FAT3: variants seen among roughly 807,000 people sequenced by gnomAD.
FAT3 encodes the protein FAT atypical cadherin 3, also known as protocadherin Fat 3.
A neutral mutation model predicts 310.2 loss-of-function variants in FAT3; 95 were observed. That is an observed-to-expected ratio of 0.31 (90% CI 0.26 to 0.36). The LOEUF (loss-of-function observed/expected upper bound fraction) is 0.36. Among genes scored for constraint, FAT3 ranks in the 10% least tolerant of loss-of-function variants. FAT3 has a pLI of 1.00. For missense variants in FAT3, 5,408 were observed against 5,715.6 expected (o/e 0.95, Z 1.74); for synonymous variants, 2,314 against 2,192.9 (o/e 1.06, Z -1.54).
At position 92,806,365 on chromosome 11, in the gene FAT3, G is replaced by T; in HGVS notation, c.9097G>T (p.Ala3033Ser). 1 of 1,598,212 alleles carries T rather than the reference G, an allele frequency of 6.3e-7. No individual in the cohort carries two copies. Among genetic ancestry groups the T allele is most frequent in the Non-Finnish European group, 8.5e-7 (1 of 1,171,586 alleles). ...ACCTTTCTTCACCTTTGTCCAGGTT[G>T]CATATACAGCATTACTTCCTGAAGA... is the stretch of plus-strand genomic sequence containing the variant. Reference protein sequence around the residue: ...NDNSPVCDQVAYTALLPEDIP... With the variant: ...NDNSPVCDQVSYTALLPEDIP... Residue 3033 changes from alanine (A) to serine (S), a missense_variant, in exon 12 of 28, where the codon GCA (alanine) becomes TCA (serine). Ala to Ser is a moderately conservative substitution (Grantham distance 99, BLOSUM62 1). Transcript: ENST00000525166.
intron 2 of FAT3, among the ~76,000 whole-genome samples, chr11:92,492,578 T>G (rs559698275): frequency 1.6e-4 from 24 of 152,134 alleles, no homozygotes; most frequent in African/African-American, 5.3e-4. Context: ...CCAGAGCACT[T>G]TAATCTATGG....
chr11:92,563,082 A>C (rs778931556), intron 3 of FAT3, among the ~76,000 whole-genome samples: 1 of 152,220 alleles, frequency 6.6e-6, no homozygotes, highest in Non-Finnish European at 1.5e-5. Flanking sequence ...CAAATTTAGA[A>C]AGAGCTGGAG....
chr11:92,228,916 G>GA (rs1252918477), intron 1 of FAT3, among the ~76,000 whole-genome samples: 2 of 152,144 alleles, frequency 1.3e-5, no homozygotes, highest in East Asian at 3.9e-4. Context: ...CTTGAGTAGG[G>GA]AATCATCTGA....
chr11:92,287,164 A>G (rs983183867), intron 1 of FAT3, among the ~76,000 whole-genome samples: 5 of 152,182 alleles, frequency 3.3e-5, no homozygotes, highest in Non-Finnish European at 5.9e-5. Flanking sequence ...TTTAATGAGA[A>G]GAACTGAAGA....
intron 2 of FAT3, among the ~76,000 whole-genome samples, chr11:92,358,105 A>T (rs1948782538): frequency 6.6e-6 from 1 of 152,022 alleles, no homozygotes; most frequent in East Asian, 1.9e-4. Flanking sequence ...TGAACCCAGG[A>T]GGTCAAGTCT....
intron 2 of FAT3, among the ~76,000 whole-genome samples, chr11:92,515,714 G>T (rs913618614): frequency 6.6e-6 from 1 of 152,036 alleles, no homozygotes; most frequent in Non-Finnish European, 1.5e-5. Flanking sequence ...AGTGCTTACA[G>T]TAATAAATAT....
At chr11:92,879,468 T>C (rs1949622043) in intron 22 of FAT3, among the ~76,000 whole-genome samples, 2 of 152,306 alleles carry the variant, frequency 1.3e-5, no homozygotes, top group Admixed American at 1.3e-4. Context: ...GTGAAGAGTT[T>C]CTAGTTAAAT....
At chr11:92,298,688 A>G (rs901191607) in intron 1 of FAT3, among the ~76,000 whole-genome samples, 3 of 152,086 alleles carry the variant, frequency 2.0e-5, no homozygotes, top group African/African-American at 7.2e-5. Context: ...ATGGTCGTTA[A>G]TCAACTTCCA....
chr11:92,696,701 A>G (rs983071531), intron 3 of FAT3, among the ~76,000 whole-genome samples: 9 of 152,196 alleles, frequency 5.9e-5, no homozygotes, highest in Non-Finnish European at 2.9e-5. Flanking sequence ...GAGGCCTTGA[A>G]GGTTTTGTCT....
intron 7 of FAT3, among the ~76,000 whole-genome samples, chr11:92,781,075 CTTTT>C (rs10649331): frequency 8.2e-6 from 1 of 121,978 alleles, no homozygotes; most frequent in Non-Finnish European, 1.7e-5. Flanking sequence ...TTTCTTTATT[CTTTT>C]TTTTTTTTTT....
intron 2 of FAT3, among the ~76,000 whole-genome samples, chr11:92,467,932 G>C (rs1328695101): frequency 6.6e-6 from 1 of 152,172 alleles, no homozygotes; most frequent in South Asian, 2.1e-4. Flanking sequence ...TTGGAATTCA[G>C]AATTTTAGAA....
rs139782643 is a variant in FAT3 at position 92,303,128 on chromosome 11, G to C, written c.-17-48968G>C. On this transcript the variant is annotated intron_variant, in intron 1 of 27. Transcript: ENST00000525166. Reference sequence around the variant, plus strand: ...TTGGTTGATACAATTAATGAGGAGGGTTGAAAGCCTCTGTACAATTTTACA... The same window carrying C: ...TTGGTTGATACAATTAATGAGGAGGCTTGAAAGCCTCTGTACAATTTTACA... Among the ~76,000 whole-genome samples, 31 of 152,194 alleles carry C rather than the reference G, an allele frequency of 2.0e-4. No homozygotes were observed. In the East Asian group the frequency reaches 5.8e-3, roughly 28 times the overall value.
At chr11:92,845,705 C>A (rs903122856) in intron 19 of FAT3, among the ~76,000 whole-genome samples, 1 of 152,124 alleles carries the variant, frequency 6.6e-6, no homozygotes, top group South Asian at 2.1e-4. Flanking sequence ...GTTTTTCTAG[C>A]CAGTGTGAAT....
intron 13 of FAT3, among the ~76,000 whole-genome samples, chr11:92,814,133 A>G (rs1210172783): frequency 2.6e-5 from 4 of 152,216 alleles, no homozygotes; most frequent in East Asian, 1.9e-4. Flanking sequence ...AGCCTCCAGA[A>G]CTATGAGCAA....
chr11:92,544,989 A>G (rs1954570438), intron 3 of FAT3, among the ~76,000 whole-genome samples: 1 of 152,130 alleles, frequency 6.6e-6, no homozygotes, highest in Non-Finnish European at 1.5e-5. Context: ...GTGTCTGTCA[A>G]AGCCTCTAAG....
intron 2 of FAT3, among the ~76,000 whole-genome samples, chr11:92,373,628 C>T (rs952325073): frequency 6.6e-5 from 10 of 151,728 alleles, no homozygotes; most frequent in East Asian, 1.9e-4. Context: ...TTATAATGAA[C>T]GCGTGATGAA....
intron 3 of FAT3, among the ~76,000 whole-genome samples, chr11:92,574,018 A>T (rs1938331433): frequency 2.6e-5 from 2 of 75,970 alleles, no homozygotes; most frequent in Non-Finnish European, 8.1e-5. Context: ...AGGCAAATTG[A>T]ATAAAAGAGC....
At chr11:92,606,017 T>C (rs1444047115) in intron 3 of FAT3, among the ~76,000 whole-genome samples, 2 of 152,132 alleles carry the variant, frequency 1.3e-5, no homozygotes, top group African/African-American at 2.4e-5. Context: ...CTCTCCTCAT[T>C]TGCAAGCTGG....
At chr11:92,379,610 G>A (rs1288320738) in intron 2 of FAT3, among the ~76,000 whole-genome samples, 1 of 152,136 alleles carries the variant, frequency 6.6e-6, no homozygotes, top group African/African-American at 2.4e-5. Flanking sequence ...TCTGACAGCT[G>A]GAGGCTCTTA....
Sources: gnomAD v4.1 joint callset for allele counts (sites outside exome capture counted in the v4.1 genomes callset) on GRCh38, gnomAD v4.1.1 for gene constraint, MANE v1.5 for transcripts, NCBI Gene and HGNC (gene_info 2026-07-23, HGNC 2026-07-21) for gene names.